TFEB: variants seen among roughly 807,000 people sequenced by gnomAD.
The protein encoded by TFEB is transcription factor EB.
In TFEB, 12 loss-of-function variants were observed where a neutral mutation model predicts 48.0. The ratio of observed to expected loss-of-function variants is 0.25; its 90% CI spans 0.16 to 0.40. The LOEUF (loss-of-function observed/expected upper bound fraction) is 0.40. TFEB is among the 10% of genes least tolerant of loss of function. TFEB has a pLI of 1.00. For synonymous variants in TFEB, 244 were observed against 261.4 expected, an observed-to-expected ratio of 0.93 and a Z score of 0.64; for missense variants, 509 against 640.3, an observed-to-expected ratio of 0.79 and a Z score of 2.21.
chr6:41,704,013 G>A (rs1306770890), intron 1 of TFEB, among the ~76,000 whole-genome samples: 1 of 152,156 alleles, frequency 6.6e-6, no homozygotes, highest in African/African-American at 2.4e-5. Context: ...GGCAGGTAGG[G>A]GGTCTTGAGC....
intron 1 of TFEB, among the ~76,000 whole-genome samples, chr6:41,695,675 G>C (rs1769539912): frequency 2.0e-5 from 3 of 152,212 alleles, no homozygotes. Flanking sequence ...GTTCAGAGTT[G>C]TTACCGCTGG....
Position 41,684,841 on chromosome 6 carries a change from T to G in TFEB, c.1189A>C (p.Ser397Arg). ...PPSPFHHLDFSHSLSFGGRED... is the reference protein window; with the variant it reads ...PPSPFHHLDFRHSLSFGGRED... ...CTGCCCCCAAAGCTCAGGCTGTGGC[T>G]GAAGTCCAGGTGATGGAATGGGGAT... The change falls in exon 9 of 9, where the codon AGC (serine) becomes CGC (arginine). Residue 397 changes from serine (S) to arginine (R), a missense_variant. Transcript: ENST00000373033. 1 of 1,582,664 alleles carries G rather than the reference T, an allele frequency of 6.3e-7. No homozygotes were observed. Among genetic ancestry groups the G allele is most frequent in the Non-Finnish European group, 8.6e-7 (1 of 1,162,628 alleles).
At position 41,687,930 on chromosome 6, in the gene TFEB, C is replaced by T. The variant is rs1280081728; in HGVS notation, c.648G>A (p.Leu216=). The T allele has an allele frequency of 1.9e-6, 3 of 1,613,830 alleles. No individual in the cohort carries two copies. Among genetic ancestry groups the T allele is most frequent in the Admixed American group, 3.3e-5 (2 of 59,980 alleles). The part of the protein sequence containing the change: ...GVTSSSCPAD[L]TQKRELTDAE... ...TACCTGTGAGCTCTCGCTTCTGGGT[C>T]AGGTCCGCAGGGCAGGAGCTGCTGG... The change falls in exon 5 of 9, where the codon CTG becomes CTA. Residue 216 remains leucine (L), a synonymous_variant. Coordinates refer to ENST00000373033, the MANE Select transcript of TFEB (RefSeq NM_001271944.2).
chr6:41,689,107 G>A (rs1458726768), intron 4 of TFEB, among the ~76,000 whole-genome samples: 5 of 152,160 alleles, frequency 3.3e-5, no homozygotes, highest in Non-Finnish European at 7.3e-5. Context: ...TGAGAAAACT[G>A]GGGTTTAGTA....
At chr6:41,714,274 C>T (rs1561866859) in intron 1 of TFEB, among the ~76,000 whole-genome samples, 1 of 152,198 alleles carries the variant, frequency 6.6e-6, no homozygotes, top group Non-Finnish European at 1.5e-5. Context: ...TCTGAGAAAT[C>T]ACTCCCATGC....
intron 1 of TFEB, among the ~76,000 whole-genome samples, chr6:41,718,138 CA>C (rs1214927004): frequency 2.0e-5 from 3 of 151,946 alleles, no homozygotes; most frequent in Non-Finnish European, 4.4e-5. Flanking sequence ...TACATCACCT[CA>C]AATACTTGTC....
At chr6:41,688,869 G>T (rs975620426) in intron 4 of TFEB, among the ~76,000 whole-genome samples, 2 of 152,202 alleles carry the variant, frequency 1.3e-5, no homozygotes, top group African/African-American at 4.8e-5. Flanking sequence ...CTTTCCCTTG[G>T]TGGCATGGGC....
chr6:41,686,309 T>G, intron 7 of TFEB, 72 bp from the exon 8 acceptor site: 1 of 1,576,932 alleles, frequency 6.3e-7, no homozygotes, highest in Non-Finnish European at 8.7e-7. Flanking sequence ...ACTGCTCTGG[T>G]TGCAGAGCTT....
chr6:41,729,091 C>T (rs993982164), intron 1 of TFEB, among the ~76,000 whole-genome samples: 1 of 152,054 alleles, frequency 6.6e-6, no homozygotes, highest in African/African-American at 2.4e-5. Flanking sequence ...GCCCCCACTC[C>T]CGGCCCCGCC....
intron 1 of TFEB, chr6:41,733,852 C>T (rs1399394829): frequency 1.0e-5 from 10 of 985,594 alleles, no homozygotes; most frequent in East Asian, 2.3e-4. Context: ...GCATCCGCAT[C>T]TGTCCACCCA....
intron 1 of TFEB, among the ~76,000 whole-genome samples, chr6:41,731,885 T>G (rs1211624574): frequency 6.6e-6 from 1 of 152,168 alleles, no homozygotes; most frequent in East Asian, 1.9e-4. Context: ...CCAGGAAGTC[T>G]TGCCTGAACC....
rs1053756348 is a variant in TFEB at position 41,732,535 on chromosome 6, C to T, written c.-23+2815G>A. 4.1e-6 allele frequency: 4 copies of T among 976,276 alleles called. No individual in the cohort carries two copies. In the African/African-American group the frequency reaches 7.0e-5, roughly 17 times the overall value. 60.5% of individuals were successfully genotyped at this position (976,276 alleles called of 1,614,324 possible). A position where few individuals can be genotyped will look rare whatever the true frequency, so the allele number is the denominator to read the frequency against. On this transcript the variant is annotated intron_variant, in intron 1 of 8. Coordinates refer to ENST00000373033, the MANE Select transcript of TFEB (RefSeq NM_001271944.2). ...TGTTTTATTGTTACACTCTCATAGA[C>T]ACACATGCACAGTTCATCTCTACCC...
chr6:41,685,116 A>C, intron 8 of TFEB, 38 bp from the exon 9 acceptor site: 1 of 1,398,498 alleles, frequency 7.2e-7, no homozygotes, highest in Non-Finnish European at 9.3e-7. Flanking sequence ...GAACACACCT[A>C]TGGGCACCAG....
At chr6:41,687,275 CT>C in intron 6 of TFEB, 106 bp from the exon 7 acceptor site, 1 of 960,298 alleles carries the variant, frequency 1.0e-6, no homozygotes, top group Non-Finnish European at 1.7e-6. Flanking sequence ...CAGCCTGCAG[CT>C]TAGATTTAGT....
rs772019309 is a variant in TFEB at position 41,691,091 on chromosome 6, T to TTGCTGCTGCTGCTGCTGC, written c.105_122dup (p.Gln39_Gln44dup). On this transcript the variant is annotated inframe_insertion, in exon 2 of 9. Coordinates refer to ENST00000373033, the MANE Select transcript of TFEB (RefSeq NM_001271944.2). The surrounding 1 kb of genome is among the most constrained non-coding windows in gnomAD (Gnocchi z 5.2). ...TGGGCGGCCCTCCGAGCTGCTGCTG[T>TTGCTGCTGCTGCTGCTGC]TGCTGCTGCTGCTGCTGCTGCATGT... 2.0e-5 allele frequency: 31 copies of TTGCTGCTGCTGCTGCTGC among 1,577,048 alleles called. No homozygotes were observed. Among genetic ancestry groups the TTGCTGCTGCTGCTGCTGC allele is most frequent in the Non-Finnish European group, 3.4e-6 (4 of 1,160,170 alleles).
chr6:41,697,264 C>T (rs1769638088), intron 1 of TFEB, among the ~76,000 whole-genome samples: 2 of 151,658 alleles, frequency 1.3e-5, no homozygotes, highest in Admixed American at 1.3e-4. Context: ...AAAAATTAGC[C>T]AGGTGTGGTG....
At position 41,724,815 on chromosome 6, in the gene TFEB, G is replaced by A. The variant is rs79192880; in HGVS notation, c.-23+10535C>T. On this transcript the variant is annotated intron_variant, in intron 1 of 8. Transcript: ENST00000373033. The surrounding 1 kb of genome is among the most constrained non-coding windows in gnomAD (Gnocchi z 4.4). ...AAAGGCTGGGGCCCGCAGGGACTGTGGGGGAAGCGCCTCACAGCCCCTGCA... is the reference window on the plus strand; with the variant it reads ...AAAGGCTGGGGCCCGCAGGGACTGTAGGGGAAGCGCCTCACAGCCCCTGCA... Among the ~76,000 whole-genome samples the A allele has an allele frequency of 0.032, 4,799 of 152,234 alleles. 136 individuals are homozygous for A. The highest frequency in any genetic ancestry group is 0.1 in the East Asian group (520 of 5,170).
intron 1 of TFEB, among the ~76,000 whole-genome samples, chr6:41,714,461 G>A (rs1400976466): frequency 6.6e-6 from 1 of 152,206 alleles, no homozygotes; most frequent in Admixed American, 6.5e-5. Flanking sequence ...ACAAAGCAGA[G>A]GATGGGGAAG....
At chr6:41,715,063 G>C (rs1770674902) in intron 1 of TFEB, among the ~76,000 whole-genome samples, 2 of 152,164 alleles carry the variant, frequency 1.3e-5, no homozygotes, top group African/African-American at 4.8e-5. Flanking sequence ...AGGAGCAGGA[G>C]AGCAGCATGG....
Sources: allele counts gnomAD v4.1 joint callset (sites outside exome capture counted in the v4.1 genomes callset), GRCh38; gene constraint gnomAD v4.1.1; non-coding constraint Gnocchi (gnomAD v3.1); transcripts MANE v1.5; gene names NCBI Gene and HGNC (gene_info 2026-07-23, HGNC 2026-07-21).